The following CDC42 variants were observed in gnomAD, a reference collection of about 807,000 sequenced individuals.
CDC42 encodes the protein cell division cycle 42, also known as cell division control protein 42 homolog.
CDC42 carries 1 observed loss-of-function variant against 20.8 expected under a neutral mutation model. The ratio of observed to expected loss-of-function variants is 0.05; its 90% CI spans 0.02 to 0.23. The LOEUF is 0.23. CDC42 is among the 10% of genes least tolerant of loss of function. CDC42 has a pLI of 1.00. For synonymous variants in CDC42, 72 were observed against 84.8 expected, an observed-to-expected ratio of 0.85 and a Z score of 0.83; for missense variants, 49 against 227.9, an observed-to-expected ratio of 0.21 and a Z score of 5.05.
At chr1:22,087,822 C>T (rs909400222) in intron 5 of CDC42, among the ~76,000 whole-genome samples, 2 of 152,116 alleles carry the variant, frequency 1.3e-5, no homozygotes, top group Admixed American at 6.5e-5. Context: ...TTCTTAACTA[C>T]GTGTATACTA....
intron 1 of CDC42, among the ~76,000 whole-genome samples, chr1:22,056,019 TGG>T (rs981519263): frequency 3.2e-4 from 49 of 152,314 alleles, no homozygotes; most frequent in Middle Eastern, 6.8e-3. Flanking sequence ...TGGAATTTTA[TGG>T]TAATGCCTTA....
At chr1:22,071,831 T>G (rs1049431971) in intron 1 of CDC42, among the ~76,000 whole-genome samples, 3 of 152,104 alleles carry the variant, frequency 2.0e-5, no homozygotes, top group African/African-American at 7.2e-5. Flanking sequence ...TTTAGTGTGT[T>G]TTGGATTAGA....
rs190585735 is a variant in CDC42 at position 22,100,086 on chromosome 1, G to T, written c.*8569G>T. Among the ~76,000 whole-genome samples, 2 of 145,414 alleles carry T rather than the reference G, an allele frequency of 1.4e-5. No individual in the cohort carries two copies. Among genetic ancestry groups the T allele is most frequent in the East Asian group, 4.1e-4 (2 of 4,850 alleles). On this transcript the variant is annotated 3_prime_UTR_variant, in exon 6 of 6. Transcript: ENST00000656825. ...AGTTGGGAAGAGCAGGGTTTGTTTG[G>T]TGAGAAAGTTGCACCTTAGTGAATA...
chr1:22,059,674 G>A (rs1375549007), intron 1 of CDC42: 2 of 152,252 alleles, frequency 1.3e-5, no homozygotes, highest in Non-Finnish European at 2.9e-5. Flanking sequence ...CTCCCAAGTA[G>A]CTGGGATTAC....
rs1462127865 is a variant in CDC42 at position 22,096,993 on chromosome 1, G to A, written c.*5476G>A. Among the ~76,000 whole-genome samples the A allele has an allele frequency of 2.6e-5, 4 of 152,228 alleles. No individual in the cohort carries two copies. Among genetic ancestry groups the A allele is most frequent in the Non-Finnish European group, 5.9e-5 (4 of 68,030 alleles). The stretch of plus-strand genomic sequence containing the variant: ...TTGTATTTATTTAGATAGTGGGATT[G>A]AAAATAGGCTAAGATGGAGAACTGG... On this transcript the variant is annotated 3_prime_UTR_variant, in exon 6 of 6. Coordinates refer to ENST00000656825, the MANE Select transcript of CDC42 (RefSeq NM_001791.4).
rs1645781425 is a variant in CDC42, at chr1:22,100,130, C to A, written c.*8613C>A. ...GTGAATACCCAAGGTCTGAGGGAGG[C>A]TTGGAGCCAGCTCTGCAACCTGGCT... On this transcript the variant is annotated 3_prime_UTR_variant, in exon 6 of 6. Transcript: ENST00000656825. Among the ~76,000 whole-genome samples the A allele has an allele frequency of 6.7e-6, 1 of 148,902 alleles. No homozygotes were observed. Among genetic ancestry groups the A allele is most frequent in the South Asian group, 2.1e-4 (1 of 4,770 alleles).
intron 2 of CDC42, among the ~76,000 whole-genome samples, chr1:22,079,470 A>G (rs947574681): frequency 7.2e-5 from 11 of 152,140 alleles, no homozygotes; most frequent in Admixed American, 6.5e-5. Context: ...ACTCTTTGGA[A>G]TGGTAGAAGG....
At chr1:22,064,067 ATTAC>A (rs1645394327) in intron 1 of CDC42, 1 of 143,620 alleles carries the variant, frequency 7.0e-6, no homozygotes, top group African/African-American at 2.5e-5. Context: ...GTGGTGTATT[ATTAC>A]TTGTTTTTTT....
intron 3 of CDC42, 69 bp from the exon 4 acceptor site, chr1:22,086,370 T>C (rs1645662533): frequency 1.0e-6 from 1 of 993,316 alleles, no homozygotes; most frequent in African/African-American, 1.6e-5. Flanking sequence ...ATGACCAGCA[T>C]GCTTTTAACA....
chr1:22,080,459 G>A (rs946607157), intron 2 of CDC42, among the ~76,000 whole-genome samples: 6 of 152,098 alleles, frequency 3.9e-5, no homozygotes, highest in Non-Finnish European at 7.4e-5. Context: ...ATTTAAATAA[G>A]CTCTGGAACA....
chr1:22,095,339 G>A lies in CDC42; in HGVS notation c.*3822G>A, dbSNP rs753770862. On this transcript the variant is annotated 3_prime_UTR_variant, in exon 6 of 6. Transcript: ENST00000656825. ...GGCTGGAGTGCAGTGGTGCAATCTC[G>A]GCTCATTGCAAGCTCCGCCTCCCGG... 2.6e-5 allele frequency among the ~76,000 whole-genome samples: 4 copies of A among 151,832 alleles called. No individual in the cohort carries two copies. The highest frequency in any genetic ancestry group is 4.8e-5 in the African/African-American group (2 of 41,304).
intron 1 of CDC42, among the ~76,000 whole-genome samples, chr1:22,054,522 G>A (rs1452628829): frequency 6.6e-6 from 1 of 152,162 alleles, no homozygotes; most frequent in Non-Finnish European, 1.5e-5. Context: ...GACTGCAATA[G>A]TATCACACAA....
rs753187007 is a variant in CDC42 at position 22,091,385 on chromosome 1, C to T, written c.487-43C>T. ...AAATTTGAACTCCAACTTTATTATACTGAAAATCAGACCGCCCATTTTTTC... is the reference window on the plus strand; with the variant it reads ...AAATTTGAACTCCAACTTTATTATATTGAAAATCAGACCGCCCATTTTTTC... On this transcript the variant is annotated intron_variant, in intron 5 of 5. Transcript: ENST00000656825. 12 of 1,272,670 alleles carry T rather than the reference C, an allele frequency of 9.4e-6. No individual in the cohort carries two copies. The African/African-American group carries it at 1.0e-4, about 11-fold the overall frequency. The allele number at this position is 1,272,670 out of a possible 1,614,324, so 78.8% of individuals were successfully genotyped here. A position where few individuals can be genotyped will look rare whatever the true frequency, so the allele number is the denominator to read the frequency against.
chr1:22,094,294 A>ATTTTTTTTTTTTTTTTTTTTTTTTTT lies in CDC42; in HGVS notation c.*2798_*2799insTTTTTTTTTTTTTTTTTTTTTTTTTT, dbSNP rs747002932. Among the ~76,000 whole-genome samples the ATTTTTTTTTTTTTTTTTTTTTTTTTT allele has an allele frequency of 1.0e-4, 4 of 38,302 alleles. 2 individuals carry two copies. Among genetic ancestry groups the ATTTTTTTTTTTTTTTTTTTTTTTTTT allele is most frequent in the African/African-American group, 2.4e-4 (2 of 8,200 alleles). 25.1% of individuals were successfully genotyped at this position (38,302 alleles called of 152,430 possible). On this transcript the variant is annotated 3_prime_UTR_variant, in exon 6 of 6. Transcript: ENST00000656825. ...GTTTTACTGAACATCCTAGAAATAG[A>ATTTTTTTTTTTTTTTTTTTTTTTTTT]TTTTTTTTTTTTTTTTTTTTTGAGA...
chr1:22,097,918 TG>T lies in CDC42; in HGVS notation c.*6404del, dbSNP rs1645767767. ...AAGCAAATAAATGCTCGATGGATTTTGGGTCCACCATGCATCTCTGAAGTAG... is the reference window on the plus strand; with the variant it reads ...AAGCAAATAAATGCTCGATGGATTTTGGTCCACCATGCATCTCTGAAGTAG... On this transcript the variant is annotated 3_prime_UTR_variant, in exon 6 of 6. Transcript: ENST00000656825. Among the ~76,000 whole-genome samples, 1 of 152,262 alleles carries T rather than the reference TG, an allele frequency of 6.6e-6. No homozygotes were observed. Among genetic ancestry groups the T allele is most frequent in the Non-Finnish European group, 1.5e-5 (1 of 68,044 alleles).
At chr1:22,083,070 A>G (rs752843094) in intron 3 of CDC42, among the ~76,000 whole-genome samples, 43 of 151,786 alleles carry the variant, frequency 2.8e-4, no homozygotes, top group Non-Finnish European at 5.5e-4. Context: ...TAGTAGAGGT[A>G]GGGTTTCTCC....
At chr1:22,070,443 CTTTTTTTTTTTTTTTTTTTTTTTTTTT>C (rs567184632) in intron 1 of CDC42, among the ~76,000 whole-genome samples, 1 of 60,370 alleles carries the variant, frequency 1.7e-5, no homozygotes, top group Non-Finnish European at 2.9e-5. Flanking sequence ...GCCTTTGCCT[CTTTTTTTTTTTTTTTTTTTTTTTTTTT>C]TTTTTTTTTT....
rs1320326160 is a variant in CDC42 at position 22,100,024 on chromosome 1, TTCTTC to T, written c.*8509_*8513del. 1.4e-4 allele frequency among the ~76,000 whole-genome samples: 4 copies of T among 27,690 alleles called. No individual in the cohort carries two copies. Among genetic ancestry groups the T allele is most frequent in the Admixed American group, 4.9e-4 (1 of 2,054 alleles). The allele number at this position is 27,690 out of a possible 152,430, so 18.2% of individuals were successfully genotyped here. ...GGCCTTTTTTTCTTTCTTCTTCTTC[TTCTTC>T]TTTTTTTTTTTTTTTGTATAATAGG... On this transcript the variant is annotated 3_prime_UTR_variant, in exon 6 of 6. Transcript: ENST00000656825.
rs114699039 is a variant in CDC42, at chr1:22,065,555, A to G, written c.-51+12813A>G. 2.6e-3 allele frequency among the ~76,000 whole-genome samples: 393 copies of G among 152,296 alleles called. 5 individuals are homozygous for G. Among genetic ancestry groups the G allele is most frequent in the African/African-American group, 8.9e-3 (368 of 41,564 alleles). ...TAATTTTGCGTAAGAATAAGGTGCCATATTAGGTATTTACTCTCTGCTAGG... is the reference window on the plus strand; with the variant it reads ...TAATTTTGCGTAAGAATAAGGTGCCGTATTAGGTATTTACTCTCTGCTAGG... On this transcript the variant is annotated intron_variant, in intron 1 of 5. Coordinates refer to ENST00000656825, the MANE Select transcript of CDC42 (RefSeq NM_001791.4).
Sources: allele counts gnomAD v4.1 joint callset (sites outside exome capture counted in the v4.1 genomes callset), GRCh38; gene constraint gnomAD v4.1.1; transcripts MANE v1.5; gene names NCBI Gene and HGNC (gene_info 2026-07-23, HGNC 2026-07-21).